CREB3L2: variants seen among roughly 807,000 people sequenced by gnomAD.
CREB3L2 encodes the protein cAMP responsive element binding protein 3 like 2.
A neutral mutation model predicts 57.2 loss-of-function variants in CREB3L2; 23 were observed. The ratio of observed to expected loss-of-function variants is 0.40; its 90% CI spans 0.29 to 0.57. The LOEUF is 0.57. Ranked by LOEUF, CREB3L2 falls within the 20% of genes least tolerant of loss-of-function variation. The probability of loss-of-function intolerance (pLI) is 0.42; values close to 1 mark genes in which losing one functional copy is unlikely to be tolerated. For missense variants in CREB3L2, 628 were observed against 634.7 expected (o/e 0.99, Z 0.11); for synonymous variants, 268 against 265.1 (o/e 1.01, Z -0.11).
chr7:137,901,086 G>A lies in CREB3L2; in HGVS notation c.1043+268C>T, dbSNP rs574016434. Among the ~76,000 whole-genome samples the A allele has an allele frequency of 1.3e-4, 20 of 152,330 alleles. No homozygotes were observed. The East Asian group carries it at 2.5e-3, about 19-fold the overall frequency. ...TGTATGTGTACATGTATGTGCATAT[G>A]AGAGTGTGTACATATGTGTATTGTG... On this transcript the variant is annotated intron_variant, in intron 8 of 11. Transcript: ENST00000330387.
At chr7:137,912,697 AGT>A in intron 4 of CREB3L2, 1 of 698,918 alleles carries the variant, frequency 1.4e-6, no homozygotes. Flanking sequence ...CTTGTTCGAT[AGT>A]GTTTGTAGTA....
intron 1 of CREB3L2, among the ~76,000 whole-genome samples, chr7:137,994,430 C>T (rs1233831222): frequency 6.6e-6 from 1 of 152,184 alleles, no homozygotes; most frequent in South Asian, 2.1e-4. Flanking sequence ...AGCATGATTA[C>T]AGGCTCAGCT....
intron 1 of CREB3L2, among the ~76,000 whole-genome samples, chr7:137,930,708 G>A (rs1358545498): frequency 1.3e-5 from 2 of 152,144 alleles, no homozygotes; most frequent in Non-Finnish European, 2.9e-5. Flanking sequence ...ATGTCCTATA[G>A]GCATGATTGT....
intron 1 of CREB3L2, among the ~76,000 whole-genome samples, chr7:137,988,274 C>T (rs1217179316): frequency 4.6e-5 from 7 of 152,242 alleles, no homozygotes; most frequent in Admixed American, 1.3e-4. Flanking sequence ...ACGTGGGAGG[C>T]ACAAGAGGGG....
intron 3 of CREB3L2, among the ~76,000 whole-genome samples, chr7:137,914,493 G>A (rs900073527): frequency 2.2e-4 from 33 of 152,262 alleles, no homozygotes; most frequent in African/African-American, 6.3e-4. Context: ...TTAGCCAGGC[G>A]TGGTGGCTGG....
At chr7:137,915,685 T>A (rs1299403697) in intron 3 of CREB3L2, 152 bp downstream of exon 3, 1 of 477,496 alleles carries the variant, frequency 2.1e-6, no homozygotes, top group Non-Finnish European at 3.5e-6. Flanking sequence ...CCTTATTAAA[T>A]GTATACATAT....
rs535102778 is a variant in CREB3L2, at chr7:137,940,992, A to C, written c.103-12626T>G. 5.9e-5 allele frequency among the ~76,000 whole-genome samples: 9 copies of C among 152,354 alleles called. 1 individual carries two copies. In the Middle Eastern group the frequency reaches 0.017, roughly 288 times the overall value. On this transcript the variant is annotated intron_variant, in intron 1 of 11. Transcript: ENST00000330387. ...CAGGTCAGCAAATGGGAGACCAGGA[A>C]GGTTCTGGCTTCTAGCCACTTTGGC...
chr7:137,961,505 G>A (rs535607967), intron 1 of CREB3L2, among the ~76,000 whole-genome samples: 1 of 152,266 alleles, frequency 6.6e-6, no homozygotes, highest in East Asian at 1.9e-4. Flanking sequence ...CTCAGGCAGA[G>A]GCCCTTTATC....
chr7:137,972,684 C>CAAAAAAAAAA (rs58627909), intron 1 of CREB3L2, among the ~76,000 whole-genome samples: 9 of 9,642 alleles, frequency 9.3e-4, no homozygotes, highest in Non-Finnish European at 1.8e-3. Context: ...CCCGTCTCTA[C>CAAAAAAAAAA]AAAAAAAAAA....
chr7:137,885,360 C>A, intron 9 of CREB3L2, 43 bp downstream of exon 9: 1 of 1,524,360 alleles, frequency 6.6e-7, no homozygotes, highest in South Asian at 1.1e-5. Context: ...AGACAGGGGC[C>A]AGGCCAGGGG....
intron 8 of CREB3L2, among the ~76,000 whole-genome samples, chr7:137,887,199 C>T (rs952630990): frequency 1.6e-4 from 24 of 152,174 alleles, no homozygotes; most frequent in African/African-American, 5.1e-4. Context: ...AGTCTACCCC[C>T]GAATAGCATT....
At chr7:137,996,416 G>C (rs973291456) in intron 1 of CREB3L2, among the ~76,000 whole-genome samples, 1 of 152,204 alleles carries the variant, frequency 6.6e-6, no homozygotes, top group Non-Finnish European at 1.5e-5. Context: ...TCTGTCTCCC[G>C]TTAGAACTCA....
At chr7:137,898,139 G>T (rs1423343977) in intron 8 of CREB3L2, among the ~76,000 whole-genome samples, 1 of 152,120 alleles carries the variant, frequency 6.6e-6, no homozygotes, top group African/African-American at 2.4e-5. Flanking sequence ...CATAAAAATG[G>T]TCAACTGGTA....
chr7:137,931,019 C>T (rs886536940), intron 1 of CREB3L2, among the ~76,000 whole-genome samples: 10 of 151,642 alleles, frequency 6.6e-5, no homozygotes, highest in African/African-American at 2.2e-4. Flanking sequence ...ATCAGTTGAG[C>T]CCAGGAATTC....
chr7:137,936,107 C>T (rs913764722), intron 1 of CREB3L2, among the ~76,000 whole-genome samples: 1 of 152,210 alleles, frequency 6.6e-6, no homozygotes, highest in Non-Finnish European at 1.5e-5. Flanking sequence ...CCGTACAGTA[C>T]TCTCCACTAA....
chr7:137,912,837 G>A, intron 4 of CREB3L2, 154 bp downstream of exon 4: 1 of 1,525,476 alleles, frequency 6.6e-7, no homozygotes, highest in South Asian at 1.2e-5. Context: ...TTATTTGGAA[G>A]CAAAATTTTT....
chr7:137,938,021 A>G (rs1306958408), intron 1 of CREB3L2, among the ~76,000 whole-genome samples: 1 of 152,122 alleles, frequency 6.6e-6, no homozygotes, highest in Non-Finnish European at 1.5e-5. Context: ...TCACCCTGGG[A>G]GAAGGAGGAA....
At position 137,956,729 on chromosome 7, in the gene CREB3L2, T is replaced by C. The variant is rs185079537; in HGVS notation, c.103-28363A>G. ...TTTCACAATCCAGGTTCTGAATTCT[T>C]TGAGTTGGGCAAACATTTGCGATTG... On this transcript the variant is annotated intron_variant, in intron 1 of 11. Coordinates refer to ENST00000330387, the MANE Select transcript of CREB3L2 (RefSeq NM_194071.4). 1,636 of 986,874 alleles carry C rather than the reference T, an allele frequency of 1.7e-3. 4 individuals are homozygous for C. The highest frequency in any genetic ancestry group is 2.3e-3 in the South Asian group (175 of 74,724). 61.1% of individuals were successfully genotyped at this position (986,874 alleles called of 1,614,324 possible). A position where few individuals can be genotyped will look rare whatever the true frequency, so the allele number is the denominator to read the frequency against.
chr7:137,909,470 T>C (rs1229636511), intron 4 of CREB3L2, among the ~76,000 whole-genome samples: 4 of 152,200 alleles, frequency 2.6e-5, no homozygotes, highest in African/African-American at 9.7e-5. Flanking sequence ...CACATTTCTG[T>C]TGTACCAGCC....
Sources: allele counts gnomAD v4.1 joint callset (sites outside exome capture counted in the v4.1 genomes callset), GRCh38; gene constraint gnomAD v4.1.1; transcripts MANE v1.5; gene names NCBI Gene and HGNC (gene_info 2026-07-23, HGNC 2026-07-21).